COMMD10: variants seen among roughly 807,000 people sequenced by gnomAD.
COMMD10 encodes COMM domain-containing protein 10.
COMMD10 carries 33 observed loss-of-function variants against 28.9 expected under a neutral mutation model. The observed-to-expected ratio is 1.14, with a 90% CI of 0.87 to 1.53. COMMD10 has a LOEUF of 1.53. Among genes scored for constraint, COMMD10 ranks in the 40% most tolerant of loss-of-function variants. The pLI is 0.00. For missense variants in COMMD10, 310 were observed against 233.4 expected (o/e 1.33, Z -2.14); for synonymous variants, 110 against 81.7 (o/e 1.35, Z -1.87).
At chr5:116,217,529 A>G (rs1580556979) in intron 5 of COMMD10, among the ~76,000 whole-genome samples, 2 of 152,152 alleles carry the variant, frequency 1.3e-5, no homozygotes, top group Non-Finnish European at 2.9e-5. Context: ...CAATCTAGAA[A>G]CGGAACCACT....
chr5:116,095,425 G>A (rs1750437166), intron 4 of COMMD10, among the ~76,000 whole-genome samples: 1 of 152,198 alleles, frequency 6.6e-6, no homozygotes, highest in Non-Finnish European at 1.5e-5. Context: ...GGTAGATTAA[G>A]TGTATTAAAT....
At chr5:116,178,300 T>G (rs1489439414) in intron 5 of COMMD10, among the ~76,000 whole-genome samples, 1 of 152,086 alleles carries the variant, frequency 6.6e-6, no homozygotes, top group African/African-American at 2.4e-5. Context: ...TAACAAACAT[T>G]GTGTTAGACC....
intron 5 of COMMD10, among the ~76,000 whole-genome samples, chr5:116,282,924 C>A (rs1291030454): frequency 6.6e-6 from 1 of 151,888 alleles, no homozygotes; most frequent in African/African-American, 2.4e-5. Flanking sequence ...AGCCTAAACT[C>A]ATAGTTGATA....
intron 5 of COMMD10, among the ~76,000 whole-genome samples, chr5:116,246,378 T>G (rs1749951972): frequency 6.6e-6 from 1 of 151,706 alleles, no homozygotes; most frequent in Non-Finnish European, 1.5e-5. Context: ...ACAAGAAGAA[T>G]CAATGTCATT....
rs115548397 is a variant in COMMD10, at chr5:116,090,371, C to T, written c.133-708C>T. On this transcript the variant is annotated intron_variant, in intron 2 of 6. Transcript: ENST00000274458. ...CTGCACAAAGACTTGTCTCATCCAGCGTGCCAGCGGTTTGCATTGGGAAAT... is the reference window on the plus strand; with the variant it reads ...CTGCACAAAGACTTGTCTCATCCAGTGTGCCAGCGGTTTGCATTGGGAAAT... Among the ~76,000 whole-genome samples, 705 of 152,284 alleles carry T rather than the reference C, an allele frequency of 4.6e-3. 5 individuals carry two copies. The highest frequency in any genetic ancestry group is 0.016 in the African/African-American group (663 of 41,556).
At chr5:116,219,956 A>G (rs924018021) in intron 5 of COMMD10, among the ~76,000 whole-genome samples, 1 of 152,108 alleles carries the variant, frequency 6.6e-6, no homozygotes, top group African/African-American at 2.4e-5. Context: ...AAGGAATTAA[A>G]TAGTCTCTAC....
chr5:116,170,861 A>AAG (rs1473421577), intron 5 of COMMD10, among the ~76,000 whole-genome samples: 1 of 152,158 alleles, frequency 6.6e-6, no homozygotes, highest in Admixed American at 6.5e-5. Flanking sequence ...ACTTAAACAT[A>AAG]AGACCTAAAA....
intron 5 of COMMD10, among the ~76,000 whole-genome samples, chr5:116,279,337 C>T (rs1751005679): frequency 6.6e-6 from 1 of 151,808 alleles, no homozygotes; most frequent in East Asian, 1.9e-4. Flanking sequence ...CTGTACTTTT[C>T]AAAAATTAAA....
At position 116,086,545 on chromosome 5, in the gene COMMD10, G is replaced by A. The variant is rs190445893; in HGVS notation, c.42-952G>A. On this transcript the variant is annotated intron_variant, in intron 1 of 6. Coordinates refer to ENST00000274458, the MANE Select transcript of COMMD10 (RefSeq NM_016144.4). ...GCCATCTCGGCTCACTGCAGCCTCC[G>A]CCTCCTGTGTTCAAGCGATTCTCCT... Among the ~76,000 whole-genome samples the A allele has an allele frequency of 5.6e-3, 845 of 151,952 alleles. 7 individuals are homozygous for A. The highest frequency in any genetic ancestry group is 0.019 in the African/African-American group (806 of 41,404).
intron 5 of COMMD10, among the ~76,000 whole-genome samples, chr5:116,233,438 A>G (rs907003633): frequency 3.3e-5 from 5 of 152,172 alleles, no homozygotes; most frequent in African/African-American, 1.2e-4. Flanking sequence ...ATAAGGGGGA[A>G]CTATACATAA....
intron 4 of COMMD10, among the ~76,000 whole-genome samples, chr5:116,109,475 T>A (rs1750968618): frequency 6.6e-6 from 1 of 152,142 alleles, no homozygotes; most frequent in East Asian, 1.9e-4. Flanking sequence ...GTGCCTGTAA[T>A]CCCAGCTACT....
At chr5:116,274,038 A>G (rs915604066) in intron 5 of COMMD10, among the ~76,000 whole-genome samples, 12 of 151,752 alleles carry the variant, frequency 7.9e-5, no homozygotes, top group Non-Finnish European at 1.6e-4. Context: ...ACCCAAAGAT[A>G]TGATCTAACA....
intron 4 of COMMD10, among the ~76,000 whole-genome samples, chr5:116,104,777 G>C (rs1220699516): frequency 2.0e-5 from 3 of 152,026 alleles, no homozygotes; most frequent in Non-Finnish European, 4.4e-5. Context: ...TTGCCACCAA[G>C]CCCAGCTAAT....
chr5:116,239,763 A>C (rs886807322), intron 5 of COMMD10, among the ~76,000 whole-genome samples: 1 of 152,168 alleles, frequency 6.6e-6, no homozygotes, highest in South Asian at 2.1e-4. Flanking sequence ...AATTCTACCA[A>C]TAAGAGCAGG....
intron 5 of COMMD10, among the ~76,000 whole-genome samples, chr5:116,247,154 G>A (rs1749974772): frequency 6.6e-6 from 1 of 151,420 alleles, no homozygotes; most frequent in Admixed American, 6.6e-5. Flanking sequence ...TTAAAAACTG[G>A]GCAAAGGATA....
chr5:116,155,808 A>G (rs755025289), intron 5 of COMMD10, among the ~76,000 whole-genome samples: 2 of 152,088 alleles, frequency 1.3e-5, no homozygotes, highest in East Asian at 1.9e-4. Flanking sequence ...GCTTTAAACA[A>G]TAGGGGTTTA....
At chr5:116,259,317 G>A (rs868174826) in intron 5 of COMMD10, among the ~76,000 whole-genome samples, 1 of 151,062 alleles carries the variant, frequency 6.6e-6, no homozygotes, top group Non-Finnish European at 1.5e-5. Flanking sequence ...CTTTTTTAAG[G>A]CTTTGTATTG....
Position 116,277,876 on chromosome 5 carries a change from A to G in COMMD10, c.511-13641A>G, listed in dbSNP as rs114928174. Among the ~76,000 whole-genome samples the G allele has an allele frequency of 1.6e-3, 243 of 152,034 alleles. 14 individuals are homozygous for G. Among genetic ancestry groups the G allele is most frequent in the African/African-American group, 5.8e-3 (240 of 41,362 alleles). On this transcript the variant is annotated intron_variant, in intron 5 of 6. Coordinates refer to ENST00000274458, the MANE Select transcript of COMMD10 (RefSeq NM_016144.4). ...GGTTATTTCATTCAGGATGCCAAAT[A>G]CATAGTAGCTCCTGAAAGTACAAAT...
chr5:116,087,383 A>T (rs1169666480), intron 1 of COMMD10, 114 bp from the exon 2 acceptor site: 1 of 603,294 alleles, frequency 1.7e-6, no homozygotes, highest in Non-Finnish European at 2.9e-6. Context: ...TATTTCACTC[A>T]GATTTACCAT....
Sources: allele counts gnomAD v4.1 joint callset (sites outside exome capture counted in the v4.1 genomes callset), GRCh38; gene constraint gnomAD v4.1.1; transcripts MANE v1.5; gene names NCBI Gene and HGNC (gene_info 2026-07-23, HGNC 2026-07-21).